The following TIAM2 variants were observed in gnomAD, a reference collection of about 807,000 sequenced individuals.
TIAM2 encodes TIAM Rac1 associated GEF 2, also known as rho guanine nucleotide exchange factor TIAM2.
In TIAM2, 80 loss-of-function variants were observed where a neutral mutation model predicts 152.9. The ratio of observed to expected loss-of-function variants is 0.52; its 90% CI spans 0.44 to 0.63. The LOEUF is 0.63. Among genes scored for constraint, TIAM2 ranks in the 30% least tolerant of loss-of-function variants. TIAM2 has a pLI of 0.00. For synonymous variants in TIAM2, 804 were observed against 838.0 expected (o/e 0.96, Z 0.70); for missense variants, 1,965 against 2,120.1 (o/e 0.93, Z 1.44).
At chr6:155,168,747 T>C (rs1780503417) in intron 9 of TIAM2, 1 of 994,718 alleles carries the variant, frequency 1.0e-6, no homozygotes, top group Non-Finnish European at 1.4e-6. Context: ...TCTTCTAAAA[T>C]GTTATAGAAC....
In TIAM2 at chr6:155,250,980, C is replaced by G; in HGVS notation, c.4019C>G (p.Ser1340Cys). The G allele has an allele frequency of 6.2e-7, 1 of 1,614,172 alleles. No individual in the cohort carries two copies. The highest frequency in any genetic ancestry group is 8.5e-7 in the Non-Finnish European group (1 of 1,180,034). Residue 1340 changes from serine to cysteine, a missense_variant, in exon 22 of 27, where the codon TCT becomes TGT. This residue lies in a region of TIAM2 where 935 missense variants were observed against 980.0 expected (regional missense o/e 0.95). Coordinates refer to ENST00000682666, the MANE Select transcript of TIAM2 (RefSeq NM_012454.4). The part of the protein sequence containing the change: ...STVSWLNPFL[S>C]LGKARKDLEL... ...GTTTCCTGGTTGAATCCATTTCTGT[C>G]TCTAGGAAAAGCTAGAAAGGACCTT...
At chr6:155,053,446 C>A (rs1405788433) in intron 1 of TIAM2, among the ~76,000 whole-genome samples, 4 of 148,284 alleles carry the variant, frequency 2.7e-5, no homozygotes, top group African/African-American at 9.9e-5. Flanking sequence ...TGAGCCACCG[C>A]TCCTGGCCTA....
intron 4 of TIAM2, among the ~76,000 whole-genome samples, chr6:155,131,724 C>T (rs777242722): frequency 1.4e-4 from 22 of 151,950 alleles, no homozygotes; most frequent in African/African-American, 7.2e-5. Context: ...GCATTACAGG[C>T]GTGCACCACC....
chr6:155,104,053 C>A lies in TIAM2; in HGVS notation c.-118+13674C>A, dbSNP rs1778618738. Among the ~76,000 whole-genome samples, 2 of 76,376 alleles carry A rather than the reference C, an allele frequency of 2.6e-5. 1 individual carries two copies. Among genetic ancestry groups the A allele is most frequent in the Non-Finnish European group, 5.5e-5 (2 of 36,246 alleles). 50.1% of individuals were successfully genotyped at this position (76,376 alleles called of 152,430 possible). ...TCACACACACACACCCCCCCCCCCACACCCCCACACACCCCCACACACCAA... is the reference window on the plus strand; with the variant it reads ...TCACACACACACACCCCCCCCCCCAAACCCCCACACACCCCCACACACCAA... On this transcript the variant is annotated intron_variant, in intron 2 of 26. Transcript: ENST00000682666.
At chr6:155,060,202 G>A (rs1457960768) in intron 1 of TIAM2, among the ~76,000 whole-genome samples, 4 of 152,046 alleles carry the variant, frequency 2.6e-5, no homozygotes, top group African/African-American at 4.8e-5. Flanking sequence ...TTGGGAGTTC[G>A]AGACCAGCCT....
intron 1 of TIAM2, among the ~76,000 whole-genome samples, chr6:155,078,534 C>T (rs1778001722): frequency 1.3e-5 from 2 of 152,208 alleles, no homozygotes; most frequent in South Asian, 4.1e-4. Flanking sequence ...ATGCTGTCCT[C>T]CTTATGGGGA....
chr6:155,098,139 C>A (rs1488703035), intron 2 of TIAM2, among the ~76,000 whole-genome samples: 2 of 152,004 alleles, frequency 1.3e-5, no homozygotes, highest in Non-Finnish European at 2.9e-5. Flanking sequence ...TTGATCTATA[C>A]CTTTGGCTAT....
intron 1 of TIAM2, among the ~76,000 whole-genome samples, chr6:155,080,588 C>T (rs948912908): frequency 6.6e-5 from 10 of 151,896 alleles, no homozygotes; most frequent in African/African-American, 1.7e-4. Flanking sequence ...TACAGGTGTG[C>T]GCCACCATGC....
At chr6:155,105,798 C>A (rs1233039063) in intron 2 of TIAM2, among the ~76,000 whole-genome samples, 3 of 151,822 alleles carry the variant, frequency 2.0e-5, no homozygotes, top group Non-Finnish European at 4.4e-5. Context: ...AATCTCTTGC[C>A]ACATGTTTGT....
intron 2 of TIAM2, among the ~76,000 whole-genome samples, chr6:155,098,010 T>C (rs1778456517): frequency 1.3e-5 from 2 of 152,174 alleles, no homozygotes; most frequent in South Asian, 2.1e-4. Context: ...GTTCTACTGG[T>C]GTATGTGTTT....
At chr6:155,180,992 C>T (rs1780889116) in intron 12 of TIAM2, among the ~76,000 whole-genome samples, 1 of 152,024 alleles carries the variant, frequency 6.6e-6, no homozygotes, top group Non-Finnish European at 1.5e-5. Flanking sequence ...TTTGTGGTTG[C>T]CATTTGTGTT....
At chr6:155,242,914 C>A (rs149276893) in intron 16 of TIAM2, among the ~76,000 whole-genome samples, 2 of 126,578 alleles carry the variant, frequency 1.6e-5, no homozygotes, top group Non-Finnish European at 1.7e-5. Context: ...TTTTTTTTTT[C>A]TTTTTTTTAG....
intron 15 of TIAM2, among the ~76,000 whole-genome samples, chr6:155,232,108 C>A (rs201546095): frequency 6.6e-6 from 1 of 150,666 alleles, no homozygotes; most frequent in Non-Finnish European, 1.5e-5. Context: ...CAAAAAAAAA[C>A]AAAAACTGGG....
chr6:155,255,476 G>A (rs1410025885), intron 26 of TIAM2: 1 of 152,042 alleles, frequency 6.6e-6, no homozygotes, highest in African/African-American at 2.4e-5. Flanking sequence ...AAATCAGTGT[G>A]ACCTCTTCAG....
At chr6:154,998,323 T>G (rs1035818009) in intron 1 of TIAM2, among the ~76,000 whole-genome samples, 25 of 152,196 alleles carry the variant, frequency 1.6e-4, no homozygotes, top group African/African-American at 5.3e-4. Context: ...ATATAAGAAT[T>G]TAAGCCATCC....
chr6:155,243,211 G>A (rs1783138819), intron 16 of TIAM2, among the ~76,000 whole-genome samples: 1 of 152,122 alleles, frequency 6.6e-6, no homozygotes, highest in South Asian at 2.1e-4. Flanking sequence ...CTTTGAATAT[G>A]TGAGTTTGAG....
At chr6:155,081,613 G>A (rs910878262) in intron 1 of TIAM2, among the ~76,000 whole-genome samples, 101 of 152,288 alleles carry the variant, frequency 6.6e-4, no homozygotes, top group African/African-American at 2.4e-3. Context: ...GAGGCTCCCT[G>A]AAAGCCACTT....
chr6:155,132,425 C>G (rs1172074514), intron 4 of TIAM2, among the ~76,000 whole-genome samples: 1 of 151,828 alleles, frequency 6.6e-6, no homozygotes, highest in African/African-American at 2.4e-5. Flanking sequence ...TTCGGTTCTC[C>G]CTCCTCTTCC....
At chr6:155,030,739 A>G (rs1412814111) in intron 1 of TIAM2, among the ~76,000 whole-genome samples, 1 of 152,186 alleles carries the variant, frequency 6.6e-6, no homozygotes, top group Non-Finnish European at 1.5e-5. Context: ...GATGGAAATT[A>G]TATTTTGGAT....
Sources: allele counts gnomAD v4.1 joint callset (sites outside exome capture counted in the v4.1 genomes callset), GRCh38; gene constraint gnomAD v4.1.1; regional missense constraint gnomAD v4.1.1; transcripts MANE v1.5; gene names NCBI Gene and HGNC (gene_info 2026-07-23, HGNC 2026-07-21).